LPP: variants seen among roughly 807,000 people sequenced by gnomAD.
LPP encodes the protein lipoma-preferred partner.
LPP carries 38 observed loss-of-function variants against 60.4 expected under a neutral mutation model. That is an observed-to-expected ratio of 0.63 (90% CI 0.49 to 0.83). The LOEUF is 0.83. LPP is among the 40% of genes least tolerant of loss of function. LPP has a pLI of 0.00. For missense variants in LPP, 902 were observed against 783.6 expected, an observed-to-expected ratio of 1.15 and a Z score of -1.80; for synonymous variants, 328 against 290.8, an observed-to-expected ratio of 1.13 and a Z score of -1.30.
intron 8 of LPP, among the ~76,000 whole-genome samples, chr3:188,753,196 G>C (rs1396644904): frequency 6.6e-6 from 1 of 152,192 alleles, no homozygotes; most frequent in African/African-American, 2.4e-5. Context: ...ATCTAAAAAG[G>C]AGAATAATTG....
At chr3:188,406,446 G>T in intron 4 of LPP, 133 bp downstream of exon 4, 1 of 802,016 alleles carries the variant, frequency 1.2e-6, no homozygotes, top group Non-Finnish European at 1.9e-6. Context: ...GCTACTAAAA[G>T]TAAAGGAGCC....
At chr3:188,390,936 T>C (rs1779543006) in intron 3 of LPP, among the ~76,000 whole-genome samples, 1 of 152,188 alleles carries the variant, frequency 6.6e-6, no homozygotes, top group Admixed American at 6.5e-5. Flanking sequence ...CGAGGCTTTC[T>C]AGTTGTAGGC....
chr3:188,517,931 T>C (rs1253349974), intron 5 of LPP, among the ~76,000 whole-genome samples: 18 of 152,150 alleles, frequency 1.2e-4, no homozygotes, highest in Admixed American at 1.2e-3. Context: ...TGTTAGTTCA[T>C]AGGACAGCTG....
Position 188,609,176 on chromosome 3 carries a change from A to T in LPP, c.445A>T (p.Thr149Ser), listed in dbSNP as rs1441972156. Residue 149 changes from threonine (T) to serine (S), a missense_variant, in exon 7 of 12, where the codon ACA becomes TCA. By Grantham distance (58) the Thr-to-Ser change is moderately conservative. Transcript: ENST00000617246. This position sits in a 1 kb window ranked among gnomAD's most constrained non-coding sequence, Gnocchi z 6.9. ...TTCTTTTTAGAGCTCCACTGGTTCAACAGCCTCTCCTCCAGTTTCGACCCC... is the reference window on the plus strand; with the variant it reads ...TTCTTTTTAGAGCTCCACTGGTTCATCAGCCTCTCCTCCAGTTTCGACCCC... ...PRPPQSSTGS[T>S]ASPPVSTPVT... The T allele has an allele frequency of 1.2e-6, 2 of 1,609,428 alleles. No homozygotes were observed. The highest frequency in any genetic ancestry group is 1.7e-6 in the Non-Finnish European group (2 of 1,177,048).
chr3:188,259,699 G>A (rs1016159175), intron 2 of LPP, among the ~76,000 whole-genome samples: 18 of 152,194 alleles, frequency 1.2e-4, no homozygotes, highest in African/African-American at 4.1e-4. Context: ...CCCAGTGTAT[G>A]TGTTACTTTG....
At chr3:188,501,259 T>C (rs932293367) in intron 5 of LPP, among the ~76,000 whole-genome samples, 2 of 152,332 alleles carry the variant, frequency 1.3e-5, no homozygotes, top group African/African-American at 4.8e-5. Flanking sequence ...TTCATGTTCA[T>C]TCATTTTTAA....
chr3:188,764,916 G>C (rs992293916), intron 9 of LPP, among the ~76,000 whole-genome samples: 7 of 152,114 alleles, frequency 4.6e-5, no homozygotes, highest in African/African-American at 1.7e-4. Flanking sequence ...GGAAATAGGA[G>C]GCCAACTCCA....
At chr3:188,780,357 C>T (rs1371338263) in intron 9 of LPP, among the ~76,000 whole-genome samples, 2 of 152,246 alleles carry the variant, frequency 1.3e-5, no homozygotes, top group South Asian at 2.1e-4. Context: ...TCTGTGAGGT[C>T]AGAATTGGAG....
chr3:188,177,472 C>T (rs1306470468), intron 1 of LPP, among the ~76,000 whole-genome samples: 3 of 152,098 alleles, frequency 2.0e-5, no homozygotes, highest in Non-Finnish European at 2.9e-5. Context: ...ATCCTGCCAC[C>T]TTGATTTCTG....
intron 3 of LPP, among the ~76,000 whole-genome samples, chr3:188,376,828 T>C (rs921616609): frequency 2.0e-5 from 3 of 152,234 alleles, no homozygotes; most frequent in Non-Finnish European, 4.4e-5. Context: ...TGGCATGTTT[T>C]TGCAGTGGCT....
intron 2 of LPP, among the ~76,000 whole-genome samples, chr3:188,260,931 A>T (rs949390449): frequency 6.6e-6 from 1 of 152,010 alleles, no homozygotes; most frequent in Admixed American, 6.6e-5. Flanking sequence ...GCTACTCAGG[A>T]GGCTGAGTCA....
intron 3 of LPP, among the ~76,000 whole-genome samples, chr3:188,384,173 G>A (rs1195160611): frequency 6.6e-6 from 1 of 152,154 alleles, no homozygotes; most frequent in Non-Finnish European, 1.5e-5. Flanking sequence ...TTTATGAAGT[G>A]TAAATTCTTG....
chr3:188,337,692 G>T (rs1003170594), intron 2 of LPP, among the ~76,000 whole-genome samples: 1 of 152,088 alleles, frequency 6.6e-6, no homozygotes, highest in Admixed American at 6.5e-5. Flanking sequence ...TAGCAATGGG[G>T]TTTCCCTATG....
chr3:188,155,234 G>T lies in LPP; in HGVS notation c.-190+982G>T, dbSNP rs1467329707. Among the ~76,000 whole-genome samples the T allele has an allele frequency of 9.2e-5, 14 of 152,092 alleles. No individual in the cohort carries two copies. The East Asian group carries it at 2.1e-3, about 23-fold the overall frequency. ...AATCTCTCTGGCTTCCCTTCCCTTA[G>T]AAGGGATCCACTGCTTTCCCTCCCC... On this transcript the variant is annotated intron_variant, in intron 1 of 11. Transcript: ENST00000617246.
intron 1 of LPP, among the ~76,000 whole-genome samples, chr3:188,171,868 GT>G (rs1721682401): frequency 6.6e-6 from 1 of 152,202 alleles, no homozygotes; most frequent in African/African-American, 2.4e-5. Context: ...CAGCCTGCAT[GT>G]TTCATTTCAC....
chr3:188,309,135 CT>C (rs777900189), intron 2 of LPP, among the ~76,000 whole-genome samples: 1 of 151,596 alleles, frequency 6.6e-6, no homozygotes, highest in Non-Finnish European at 1.5e-5. Flanking sequence ...ATTCTCCTGC[CT>C]TAGCCTCCTC....
At chr3:188,550,577 C>CAAAAAAAAAAAAAA (rs67052080) in intron 6 of LPP, among the ~76,000 whole-genome samples, 6 of 66,906 alleles carry the variant, frequency 9.0e-5, no homozygotes, top group African/African-American at 3.8e-4. Context: ...GACTCCATCT[C>CAAAAAAAAAAAAAA]AAAAAAAAAA....
At chr3:188,253,304 T>G (rs1282734489) in intron 2 of LPP, among the ~76,000 whole-genome samples, 1 of 152,230 alleles carries the variant, frequency 6.6e-6, no homozygotes, top group Admixed American at 6.5e-5. Context: ...TTCTGGACTT[T>G]GTTCGTAGTT....
intron 6 of LPP, among the ~76,000 whole-genome samples, chr3:188,532,991 G>T (rs563108713): frequency 1.3e-5 from 2 of 152,186 alleles, no homozygotes; most frequent in Non-Finnish European, 2.9e-5. Flanking sequence ...GAAATGCTGT[G>T]TGGTCATATG....
Sources: gnomAD v4.1 joint callset for allele counts (sites outside exome capture counted in the v4.1 genomes callset) on GRCh38, gnomAD v4.1.1 for gene constraint, Gnocchi (gnomAD v3.1) non-coding constraint, MANE v1.5 for transcripts, NCBI Gene and HGNC (gene_info 2026-07-23, HGNC 2026-07-21) for gene names.